The following ZBTB25 variants were observed in gnomAD, a reference collection of about 807,000 sequenced individuals.
ZBTB25 encodes zinc finger and BTB domain containing 25, also known as zinc finger and BTB domain-containing protein 25.
A neutral mutation model predicts 34.2 loss-of-function variants in ZBTB25; 20 were observed. The ratio of observed to expected loss-of-function variants is 0.58; its 90% CI spans 0.41 to 0.85. ZBTB25 has a LOEUF of 0.85. Ranked by LOEUF, ZBTB25 falls within the 40% of genes least tolerant of loss-of-function variation. The pLI is 0.00. For missense variants in ZBTB25, 437 were observed against 521.8 expected (o/e 0.84, Z 1.58); for synonymous variants, 175 against 186.4 (o/e 0.94, Z 0.50).
chr14:64,463,227 AACACACACACACACACACAC>A (rs60057039), intron 2 of ZBTB25: 1 of 144,208 alleles, frequency 6.9e-6, no homozygotes, highest in African/African-American at 2.5e-5. Flanking sequence ...GGATACATTA[AACACACACACACACACACAC>A]ACACACACAC....
At position 64,452,094 on chromosome 14, in the gene ZBTB25, G is replaced by A. The variant is rs1292735615; in HGVS notation, c.174-2456C>T. ...GTGGATCACCTAAGGTCAGGAGTTCGAGACCAGCCTGACCAAGATGGTGAA... is the reference window on the plus strand; with the variant it reads ...GTGGATCACCTAAGGTCAGGAGTTCAAGACCAGCCTGACCAAGATGGTGAA... On this transcript the variant is annotated intron_variant, in intron 2 of 2. Transcript: ENST00000555220. Among the ~76,000 whole-genome samples the A allele has an allele frequency of 3.3e-5, 5 of 152,114 alleles. No homozygotes were observed. The East Asian group carries it at 5.8e-4, about 18-fold the overall frequency.
In ZBTB25 at chr14:64,486,445, T is replaced by G; in HGVS notation, c.*478A>C. On this transcript the variant is annotated 3_prime_UTR_variant, in exon 3 of 3. Coordinates refer to ENST00000608382, the MANE Select transcript of ZBTB25 (RefSeq NM_006977.5). ...ATTTTTATACATTATAACATATGTA[T>G]AACATACAGTTATGCATTAAAGTAA... 1 of 973,290 alleles carries G rather than the reference T, an allele frequency of 1.0e-6. No individual in the cohort carries two copies. Among genetic ancestry groups the G allele is most frequent in the Non-Finnish European group, 1.2e-6 (1 of 818,712 alleles). 60.3% of individuals were successfully genotyped at this position (973,290 alleles called of 1,614,324 possible). A position where few individuals can be genotyped will look rare whatever the true frequency, so the allele number is the denominator to read the frequency against.
rs537778668 is a variant in ZBTB25, at chr14:64,482,158, A to C, written c.*4765T>G. ...CTACTATTTAGATCACCTACATCAA[A>C]GAAATAAAAATAGGCTGGGCCCAGT... On this transcript the variant is annotated 3_prime_UTR_variant, in exon 3 of 3. Coordinates refer to ENST00000608382, the MANE Select transcript of ZBTB25 (RefSeq NM_006977.5). 6.6e-6 allele frequency: 1 copy of C among 152,242 alleles called. No individual in the cohort carries two copies. The highest frequency in any genetic ancestry group is 2.4e-5 in the African/African-American group (1 of 41,566). The allele number at this position is 152,242 out of a possible 1,614,324, so 9.4% of individuals were successfully genotyped here.
rs777892594 is a variant in ZBTB25 at position 64,453,826 on chromosome 14, G to A, written c.174-4188C>T. On this transcript the variant is annotated intron_variant, in intron 2 of 2. Coordinates refer to the ZBTB25 transcript ENST00000555220. Reference sequence around the variant, plus strand: ...AGCAGATGACATTGAATTACTTCCCGAAGCTCAACACAAAGCTGAAGTCTA... The same window carrying A: ...AGCAGATGACATTGAATTACTTCCCAAAGCTCAACACAAAGCTGAAGTCTA... The A allele has an allele frequency of 9.2e-5, 148 of 1,612,138 alleles. 1 individual carries two copies. In the South Asian group the frequency reaches 1.4e-3, roughly 15 times the overall value.
Position 64,478,305 on chromosome 14 carries a change from G to C in ZBTB25, c.*8618C>G, listed in dbSNP as rs2078738708. The stretch of plus-strand genomic sequence containing the variant: ...TTCACTTAGTATTGGAAGGTGAGAA[G>C]AGCTGAAGGTAAGAAAACTCTTAAC... On this transcript the variant is annotated 3_prime_UTR_variant, in exon 3 of 3. Transcript: ENST00000608382. The C allele has an allele frequency of 6.6e-6, 1 of 152,188 alleles. No homozygotes were observed. Among genetic ancestry groups the C allele is most frequent in the African/African-American group, 2.4e-5 (1 of 41,432 alleles). The allele number at this position is 152,188 out of a possible 1,614,324, so 9.4% of individuals were successfully genotyped here. A position where few individuals can be genotyped will look rare whatever the true frequency, so the allele number is the denominator to read the frequency against.
intron 2 of ZBTB25, chr14:64,459,834 ATAAG>A (rs2078533802): frequency 2.0e-6 from 3 of 1,535,912 alleles, no homozygotes; most frequent in Non-Finnish European, 2.6e-6. Context: ...GTTAGGAAGT[ATAAG>A]TAAGCCAAGA....
Position 64,503,673 on chromosome 14 carries a change from G to A in ZBTB25, c.-20C>T, listed in dbSNP as rs1239572263. The A allele has an allele frequency of 1.1e-6, 1 of 937,936 alleles. No individual in the cohort carries two copies. Among genetic ancestry groups the A allele is most frequent in the Non-Finnish European group, 1.3e-6 (1 of 786,678 alleles). The allele number at this position is 937,936 out of a possible 1,614,324, so 58.1% of individuals were successfully genotyped here. ...CCGCGTCGCTTACCCAGATGCCGCC[G>A]CGGCGGCAGGCCGACTCCTCCGTGC... On this transcript the variant is annotated 5_prime_UTR_variant, in exon 1 of 3. Coordinates refer to ENST00000608382, the MANE Select transcript of ZBTB25 (RefSeq NM_006977.5).
At position 64,455,778 on chromosome 14, in the gene ZBTB25, C is replaced by T. The variant is rs527777237; in HGVS notation, c.174-6140G>A. On this transcript the variant is annotated intron_variant, in intron 2 of 2. Transcript: ENST00000555220. ...AGAGCTGAATTCATTTTCACCTCTTCAGATCTTGGCCTTGGGCAAATTATG... is the reference window on the plus strand; with the variant it reads ...AGAGCTGAATTCATTTTCACCTCTTTAGATCTTGGCCTTGGGCAAATTATG... 1.1e-4 allele frequency among the ~76,000 whole-genome samples: 17 copies of T among 152,320 alleles called. No homozygotes were observed. In the East Asian group the frequency reaches 3.3e-3, roughly 29 times the overall value.
intron 2 of ZBTB25, among the ~76,000 whole-genome samples, chr14:64,489,776 C>G (rs1170567142): frequency 1.3e-5 from 2 of 151,572 alleles, no homozygotes; most frequent in South Asian, 4.2e-4. Context: ...CCTTGTGATC[C>G]GCCCACCTTG....
chr14:64,492,058 C>CA (rs1170759947), intron 1 of ZBTB25, among the ~76,000 whole-genome samples: 11 of 135,236 alleles, frequency 8.1e-5, no homozygotes, highest in African/African-American at 2.8e-4. Flanking sequence ...ATTGAGGCTA[C>CA]AGTAAGCCAT....
intron 1 of ZBTB25, among the ~76,000 whole-genome samples, chr14:64,497,108 G>C (rs1377511812): frequency 6.6e-6 from 1 of 151,830 alleles, no homozygotes; most frequent in East Asian, 1.9e-4. Context: ...CAAATATGTT[G>C]AATCAAATAA....
At chr14:64,462,932 G>C (rs2078569759) in intron 2 of ZBTB25, 1 of 152,044 alleles carries the variant, frequency 6.6e-6, no homozygotes, top group Non-Finnish European at 1.5e-5. Flanking sequence ...CCAGGCAATG[G>C]GTAGAGATCA....
intron 2 of ZBTB25, among the ~76,000 whole-genome samples, chr14:64,451,465 A>T (rs1016720930): frequency 1.3e-5 from 2 of 152,250 alleles, no homozygotes; most frequent in African/African-American, 4.8e-5. Context: ...GTTAATTAAC[A>T]TTGACATTGA....
At chr14:64,463,666 G>A (rs1420855698) in intron 2 of ZBTB25, among the ~76,000 whole-genome samples, 1 of 151,322 alleles carries the variant, frequency 6.6e-6, no homozygotes, top group African/African-American at 2.4e-5. Context: ...GCATGTGGTC[G>A]CATACCTGTG....
intron 2 of ZBTB25, among the ~76,000 whole-genome samples, chr14:64,464,154 C>T (rs942745939): frequency 6.6e-6 from 1 of 151,982 alleles, no homozygotes; most frequent in Non-Finnish European, 1.5e-5. Flanking sequence ...CCTTCTCAGC[C>T]TCCTGAGCTC....
Position 64,480,994 on chromosome 14 carries a change from G to T in ZBTB25, c.*5929C>A. The T allele has an allele frequency of 6.6e-6, 1 of 151,170 alleles. No homozygotes were observed. Among genetic ancestry groups the T allele is most frequent in the Non-Finnish European group, 1.5e-5 (1 of 68,094 alleles). 9.4% of individuals were successfully genotyped at this position (151,170 alleles called of 1,614,324 possible). A position where few individuals can be genotyped will look rare whatever the true frequency, so the allele number is the denominator to read the frequency against. On this transcript the variant is annotated 3_prime_UTR_variant, in exon 3 of 3. Coordinates refer to ENST00000608382, the MANE Select transcript of ZBTB25 (RefSeq NM_006977.5). ...GTCGCCCAGGCTGGAGTGCAATGGC[G>T]CAATCTCGGCTCACTGCAACCTCCA...
rs2078844402 is a variant in ZBTB25 at position 64,485,136 on chromosome 14, AT to A, written c.*1786del. 2 of 985,406 alleles carry A rather than the reference AT, an allele frequency of 2.0e-6. No individual in the cohort carries two copies. The highest frequency in any genetic ancestry group is 5.2e-4 in the Middle Eastern group (1 of 1,914). The allele number at this position is 985,406 out of a possible 1,614,324, so 61.0% of individuals were successfully genotyped here. A position where few individuals can be genotyped will look rare whatever the true frequency, so the allele number is the denominator to read the frequency against. On this transcript the variant is annotated 3_prime_UTR_variant, in exon 3 of 3. Transcript: ENST00000608382. ...CTCAAGAAAAACTTACCACTTTGTA[AT>A]TTACCTAAACTGTTTACCTAGAGAA... is the stretch of plus-strand genomic sequence containing the variant.
chr14:64,461,689 G>C (rs572098567), intron 2 of ZBTB25: 1 of 148,288 alleles, frequency 6.7e-6, no homozygotes, highest in Non-Finnish European at 1.5e-5. Context: ...TCTGCCTCCC[G>C]GGTTCAAGCG....
intron 1 of ZBTB25, among the ~76,000 whole-genome samples, chr14:64,493,045 G>A (rs938278746): frequency 1.3e-5 from 2 of 152,046 alleles, no homozygotes; most frequent in Admixed American, 6.6e-5. Flanking sequence ...AAAATTACTG[G>A]GAAGAATATG....
Sources: allele counts gnomAD v4.1 joint callset (sites outside exome capture counted in the v4.1 genomes callset), GRCh38; gene constraint gnomAD v4.1.1; transcripts MANE v1.5; gene names NCBI Gene and HGNC (gene_info 2026-07-23, HGNC 2026-07-21).